Variants in OBSL1 observed in about 807,000 individuals in gnomAD.
The protein encoded by OBSL1 is obscurin like cytoskeletal adaptor 1, also known as obscurin-like protein 1.
OBSL1 carries 160 observed loss-of-function variants against 172.0 expected under a neutral mutation model. That is an observed-to-expected ratio of 0.93 (90% CI 0.82 to 1.06). OBSL1 has a LOEUF of 1.06. OBSL1 is among the 50% of genes least tolerant of loss of function. OBSL1 has a pLI of 0.00. For synonymous variants in OBSL1, 1,200 were observed against 1,196.3 expected, an observed-to-expected ratio of 1.00 and a Z score of -0.06; for missense variants, 2,681 against 2,715.4, an observed-to-expected ratio of 0.99 and a Z score of 0.28.
intron 8 of OBSL1, chr2:219,561,864 C>T: frequency 1.4e-6 from 1 of 717,284 alleles, no homozygotes; most frequent in Non-Finnish European, 2.6e-6. Flanking sequence ...AATGTGGGCC[C>T]CAAACTATGG....
In OBSL1 at chr2:219,570,128, T is replaced by C. The variant is rs988100428; in HGVS notation, c.1012+93A>G. The C allele has an allele frequency of 4.3e-6, 5 of 1,155,340 alleles. No homozygotes were observed. The African/African-American group carries it at 7.9e-5, about 18-fold the overall frequency. The allele number at this position is 1,155,340 out of a possible 1,614,324, so 71.6% of individuals were successfully genotyped here. On this transcript the variant is annotated intron_variant, in intron 1 of 20. Coordinates refer to ENST00000404537, the MANE Select transcript of OBSL1 (RefSeq NM_015311.3). The stretch of plus-strand genomic sequence containing the variant: ...CCCGCGGACCACCTCTCCTCCAGTC[T>C]TGGGGGCAGCGCTGGGCACCGAGGA...
In OBSL1 at chr2:219,562,566, C is replaced by T. The variant is rs747776026; in HGVS notation, c.2789G>A (p.Arg930His). The part of the protein sequence containing the change: ...CELCRPWAEV[R>H]WTKDGEEVVE... ...CACCTCCTCTCCATCCTTGGTCCAGCGCACCTCTGCCCAGGGCCGGCATAG... is the reference window on the plus strand; with the variant it reads ...CACCTCCTCTCCATCCTTGGTCCAGTGCACCTCTGCCCAGGGCCGGCATAG... The change falls in exon 8 of 21, where the codon CGC becomes CAC. Residue 930 changes from arginine to histidine, a missense_variant. Arg to His is a conservative substitution (Grantham distance 29). This residue lies in a region of OBSL1 where 1,765 missense variants were observed against 1,748.3 expected (regional missense o/e 1.01). Transcript: ENST00000404537. The T allele has an allele frequency of 1.5e-5, 24 of 1,613,324 alleles. No homozygotes were observed. The highest frequency in any genetic ancestry group is 8.0e-5 in the African/African-American group (6 of 74,918).
At chr2:219,558,609 A>C in intron 9 of OBSL1, 150 bp from the exon 10 acceptor site, 1 of 990,884 alleles carries the variant, frequency 1.0e-6, no homozygotes, top group East Asian at 2.6e-5. Context: ...TGTGCCAGGC[A>C]CTGTCCTAAG....
rs374315640 is a variant in OBSL1 at position 219,551,662 on chromosome 2, C to T, written c.5550G>A (p.Pro1850=). 1.1e-5 allele frequency: 18 copies of T among 1,611,548 alleles called. No individual in the cohort carries two copies. The African/African-American group carries it at 1.9e-4, about 17-fold the overall frequency. Residue 1850 remains proline, a synonymous_variant, in exon 20 of 21, where the codon CCG becomes CCA. Transcript: ENST00000404537. ...GGCTGCGCATCTCATACTTATCTCCCGGGCACAGCTCGGCCCCCTCCCGCA... is the reference window on the plus strand; with the variant it reads ...GGCTGCGCATCTCATACTTATCTCCTGGGCACAGCTCGGCCCCCTCCCGCA... ...CWLREGAELC[P]GDKYEMRSHG... is the part of the protein sequence containing the mutation.
Position 219,566,992 on chromosome 2 carries a change from C to G in OBSL1, c.1972G>C (p.Glu658Gln). 1 of 1,613,758 alleles carries G rather than the reference C, an allele frequency of 6.2e-7. No homozygotes were observed. The highest frequency in any genetic ancestry group is 8.5e-7 in the Non-Finnish European group (1 of 1,179,892). The change falls in exon 5 of 21, where the codon GAG (glutamate) becomes CAG (glutamine). Residue 658 changes from glutamate (E) to glutamine (Q), a missense_variant. Transcript: ENST00000404537. ...FLNGEELKSN[E>Q]PEGQVEPGAL... is the part of the protein sequence containing the mutation. ...CCAGGTTCCACCTGGCCCTCCGGCT[C>G]GTTACTCTTGAGCTCTTCCCCATTA...
rs1240951026 is a variant in OBSL1 at position 219,552,598 on chromosome 2, C to G, written c.5246G>C (p.Gly1749Ala). 2 of 1,582,400 alleles carry G rather than the reference C, an allele frequency of 1.3e-6. No individual in the cohort carries two copies. The highest frequency in any genetic ancestry group is 3.5e-5 in the Admixed American group (2 of 57,720). ...CGGGCGGCCTCCGAGCTCCCAGCGCCCCGTGGTCTCGACCTCCGACACGGT... is the reference window on the plus strand; with the variant it reads ...CGGGCGGCCTCCGAGCTCCCAGCGCGCCGTGGTCTCGACCTCCGACACGGT... ...ECTVSEVETTGRWELGGRPLR... is the reference protein window; with the variant it reads ...ECTVSEVETTARWELGGRPLR... The change falls in exon 18 of 21, where the codon GGG becomes GCG. Residue 1749 changes from glycine (G) to alanine (A), a missense_variant. By Grantham distance (60) the Gly-to-Ala change is moderately conservative. This residue lies in a region of OBSL1 where 1,765 missense variants were observed against 1,748.3 expected (regional missense o/e 1.01). Coordinates refer to ENST00000404537, the MANE Select transcript of OBSL1 (RefSeq NM_015311.3).
In OBSL1 at chr2:219,568,313, G is replaced by A. The variant is rs767009179; in HGVS notation, c.1024C>T (p.Arg342Trp). The A allele has an allele frequency of 1.7e-5, 28 of 1,603,698 alleles. No individual in the cohort carries two copies. The highest frequency in any genetic ancestry group is 2.2e-5 in the Non-Finnish European group (26 of 1,175,328). ...VQLHVKEPRL[R>W]FTRPLQDVEG... ...ACGTCCTGCAGGGGCCGTGTGAACC[G>A]GAGGCGGGGCTCTGTGGAGAGGGGA... Residue 342 changes from arginine (R) to tryptophan (W), a missense_variant, in exon 2 of 21, where the codon CGG (arginine) becomes TGG (tryptophan). Arg to Trp is a moderately radical substitution (Grantham distance 101, BLOSUM62 -3). This residue lies in a region of OBSL1 where 706 missense variants were observed against 695.8 expected (regional missense o/e 1.01). Transcript: ENST00000404537. The surrounding 1 kb of genome is among the most constrained non-coding windows in gnomAD (Gnocchi z 4.1).
chr2:219,553,270 G>A (rs2106012289), intron 16 of OBSL1, among the ~76,000 whole-genome samples: 1 of 152,338 alleles, frequency 6.6e-6, no homozygotes, highest in East Asian at 1.9e-4. Flanking sequence ...CCAGAGCCAG[G>A]TATCGATCAC....
Position 219,571,281 on chromosome 2 carries a change from G to A in OBSL1, c.-49C>T, listed in dbSNP as rs1275661450. On this transcript the variant is annotated 5_prime_UTR_variant, in exon 1 of 21. Transcript: ENST00000404537. ...GGCGAACGGTGGGGGGGCAGGGGGGGGTGCGGAGGGCGAGCCGAGGCCCGG... is the reference window on the plus strand; with the variant it reads ...GGCGAACGGTGGGGGGGCAGGGGGGAGTGCGGAGGGCGAGCCGAGGCCCGG... 2.9e-6 allele frequency: 3 copies of A among 1,045,214 alleles called. No homozygotes were observed. The highest frequency in any genetic ancestry group is 3.7e-6 in the Non-Finnish European group (3 of 814,444). 64.7% of individuals were successfully genotyped at this position (1,045,214 alleles called of 1,614,324 possible). A position where few individuals can be genotyped will look rare whatever the true frequency, so the allele number is the denominator to read the frequency against.
In OBSL1 at chr2:219,557,861, G is replaced by A. The variant is rs145485683; in HGVS notation, c.3752C>T (p.Pro1251Leu). 19,273 of 1,600,882 alleles carry A rather than the reference G, an allele frequency of 0.012. 143 individuals are homozygous for A. Among genetic ancestry groups the A allele is most frequent in the Non-Finnish European group, 0.013 (15,472 of 1,179,522 alleles). Residue 1251 changes from proline (P) to leucine (L), a missense_variant, in exon 11 of 21, where the codon CCC becomes CTC. Pro to Leu is a moderately conservative substitution (Grantham distance 98, BLOSUM62 -3). Coordinates refer to ENST00000404537, the MANE Select transcript of OBSL1 (RefSeq NM_015311.3). ...GGTGAAGCTGAGGCTTGGGGCTCCG[G>A]GGGCTGCTCCAGACTGGCAGGTGTA... is the stretch of plus-strand genomic sequence containing the variant. ...GLYTCQSGAA[P>L]GAPSLSFTVQ... is the part of the protein sequence containing the mutation.
At chr2:219,552,013 G>A (rs938519100) in intron 19 of OBSL1, 99 bp downstream of exon 19, 38 of 1,239,322 alleles carry the variant, frequency 3.1e-5, no homozygotes, top group Admixed American at 2.8e-4. Flanking sequence ...GGGAAGGGAA[G>A]AGAGAGGCAG....
At chr2:219,551,281 G>A in intron 20 of OBSL1, 1 of 1,406,498 alleles carries the variant, frequency 7.1e-7, no homozygotes, top group Non-Finnish European at 9.2e-7. Context: ...GGAGAGAGGA[G>A]AAGCCTGGCA....
rs374308648 is a variant in OBSL1, at chr2:219,570,286, A to C, written c.947T>G (p.Leu316Arg). The change falls in exon 1 of 21, where the codon CTC becomes CGC. Residue 316 changes from leucine to arginine, a missense_variant. By Grantham distance (102) the Leu-to-Arg change is moderately radical (BLOSUM62 -2). Transcript: ENST00000404537. ...VLYCQAKDRG[L>R]YVCAARNSAG... Reference sequence around the variant, plus strand: ...CGAGTTGCGCGCGGCGCAGACGTAGAGCCCACGATCCTTGGCCTGGCAGTA... The same window carrying C: ...CGAGTTGCGCGCGGCGCAGACGTAGCGCCCACGATCCTTGGCCTGGCAGTA... The C allele has an allele frequency of 6.2e-7, 1 of 1,607,572 alleles. No homozygotes were observed.
chr2:219,559,143 TG>T, intron 9 of OBSL1, 81 bp downstream of exon 9: 2 of 1,257,092 alleles, frequency 1.6e-6, no homozygotes, highest in Non-Finnish European at 2.2e-6. Context: ...GGGGATGGGG[TG>T]GGGGAGGTGG....
chr2:219,550,831 TCTC>T lies in OBSL1; in HGVS notation c.*1_*3del, dbSNP rs1695561503. 6.2e-7 allele frequency: 1 copy of T among 1,611,604 alleles called. No homozygotes were observed. Among genetic ancestry groups the T allele is most frequent in the African/African-American group, 1.3e-5 (1 of 74,846 alleles). ...GGGCACCCGCCTGGCCTGGTTAGGTTCTCCTAGTTGCCTGCAGAGGAATGACTC... is the reference window on the plus strand; with the variant it reads ...GGGCACCCGCCTGGCCTGGTTAGGTTCTAGTTGCCTGCAGAGGAATGACTC... On this transcript the variant is annotated 3_prime_UTR_variant, in exon 21 of 21. Coordinates refer to ENST00000404537, the MANE Select transcript of OBSL1 (RefSeq NM_015311.3).
rs1241296234 is a variant in OBSL1, at chr2:219,557,330, G to A, written c.4066+13C>T. 7.4e-6 allele frequency: 11 copies of A among 1,478,848 alleles called. No individual in the cohort carries two copies. Among genetic ancestry groups the A allele is most frequent in the Non-Finnish European group, 9.9e-6 (11 of 1,109,538 alleles). 91.6% of individuals were successfully genotyped at this position (1,478,848 alleles called of 1,614,324 possible). A position where few individuals can be genotyped will look rare whatever the true frequency, so the allele number is the denominator to read the frequency against. On this transcript the variant is annotated intron_variant, in intron 12 of 20. Transcript: ENST00000404537. ...GTGCCACAGCCCACAGGGTGTGAGGGGTACACTGTTACCTTCCACGCTGAC... is the reference window on the plus strand; with the variant it reads ...GTGCCACAGCCCACAGGGTGTGAGGAGTACACTGTTACCTTCCACGCTGAC...
At chr2:219,569,373 A>G (rs1342784858) in intron 1 of OBSL1, 2 of 152,166 alleles carry the variant, frequency 1.3e-5, no homozygotes, top group African/African-American at 4.8e-5. Context: ...AAGAGAAAAA[A>G]CTGGACAATA....
At position 219,563,368 on chromosome 2, in the gene OBSL1, AGT is replaced by A; in HGVS notation, c.2665_2666del (p.Thr889CysfsTer32). The A allele has an allele frequency of 1.3e-6, 2 of 1,576,864 alleles. No individual in the cohort carries two copies. The highest frequency in any genetic ancestry group is 1.7e-6 in the Non-Finnish European group (2 of 1,157,390). ...CVAGDECAYF[T>X]VTITDVSSWI... ...CTGGCCCCCCACCTGTGATGGTGAC[AGT>A]GAAGTAGGCACACTCATCTCCAGCG... On this transcript the variant is annotated frameshift_variant, in exon 7 of 21. Coordinates refer to ENST00000404537, the MANE Select transcript of OBSL1 (RefSeq NM_015311.3). LOFTEE classifies it high-confidence loss of function.
downstream of OBSL1, chr2:219,549,386 AGAAG>A (rs1695482206): frequency 6.3e-7 from 1 of 1,592,738 alleles, no homozygotes; most frequent in East Asian, 2.2e-5. Flanking sequence ...AGCCAGAATG[AGAAG>A]GAAGTGTGGA....
Sources: allele counts gnomAD v4.1 joint callset (sites outside exome capture counted in the v4.1 genomes callset), GRCh38; gene constraint gnomAD v4.1.1; regional missense constraint gnomAD v4.1.1; non-coding constraint Gnocchi (gnomAD v3.1); transcripts MANE v1.5; gene names NCBI Gene and HGNC (gene_info 2026-07-23, HGNC 2026-07-21).